Variants in ATF7IP observed in about 807,000 individuals in gnomAD.
ATF7IP encodes the protein activating transcription factor 7-interacting protein 1.
A neutral mutation model predicts 106.4 loss-of-function variants in ATF7IP; 23 were observed. The ratio of observed to expected loss-of-function variants is 0.22; its 90% CI spans 0.16 to 0.31. The LOEUF (loss-of-function observed/expected upper bound fraction) is 0.31. Among genes scored for constraint, ATF7IP ranks in the 10% least tolerant of loss-of-function variants. The pLI, the probability that ATF7IP is intolerant of heterozygous loss-of-function variation, is 1.00. For missense variants in ATF7IP, 1,334 were observed against 1,524.3 expected (o/e 0.88, Z 2.08); for synonymous variants, 542 against 539.0 (o/e 1.01, Z -0.08).
At chr12:14,379,045 G>A (rs969320729) in intron 1 of ATF7IP, among the ~76,000 whole-genome samples, 1 of 152,108 alleles carries the variant, frequency 6.6e-6, no homozygotes, top group Non-Finnish European at 1.5e-5. Flanking sequence ...GTTTGGATTT[G>A]TATCCCCACC....
chr12:14,438,284 G>A lies in ATF7IP; in HGVS notation c.1929+17G>A, dbSNP rs1942509255. 2 of 1,603,368 alleles carry A rather than the reference G, an allele frequency of 1.2e-6. No homozygotes were observed. Among genetic ancestry groups the A allele is most frequent in the African/African-American group, 2.7e-5 (2 of 74,690 alleles). The stretch of plus-strand genomic sequence containing the variant: ...GAACTACAGGTTTGTACATTGACTT[G>A]AGTTGTATACTCCATGTGTCATTGT... On this transcript the variant is annotated intron_variant, in intron 5 of 14. Coordinates refer to ENST00000261168, the MANE Select transcript of ATF7IP (RefSeq NM_018179.5).
At chr12:14,404,085 C>T (rs1325499299) in intron 1 of ATF7IP, among the ~76,000 whole-genome samples, 2 of 151,072 alleles carry the variant, frequency 1.3e-5, no homozygotes, top group African/African-American at 4.9e-5. Flanking sequence ...AATACTAACC[C>T]TATCAGGAAG....
intron 1 of ATF7IP, among the ~76,000 whole-genome samples, chr12:14,397,735 A>AT (rs2136453350): frequency 6.6e-6 from 1 of 151,820 alleles, no homozygotes; most frequent in African/African-American, 2.4e-5. Flanking sequence ...AATATCTTTT[A>AT]TTTTTTCCTG....
chr12:14,474,218 T>C (rs1186617723), intron 10 of ATF7IP, among the ~76,000 whole-genome samples: 1 of 151,912 alleles, frequency 6.6e-6, no homozygotes, highest in South Asian at 2.1e-4. Context: ...AAATTTCTAT[T>C]GATCTAGCAT....
intron 10 of ATF7IP, 34 bp from the exon 11 acceptor site, chr12:14,475,856 T>C: frequency 6.4e-7 from 1 of 1,570,724 alleles, no homozygotes. Flanking sequence ...CTGCCAGAGT[T>C]TTCTTTGTAA....
chr12:14,430,039 A>G (rs1169518507), intron 2 of ATF7IP, among the ~76,000 whole-genome samples: 1 of 152,210 alleles, frequency 6.6e-6, no homozygotes, highest in Non-Finnish European at 1.5e-5. Context: ...ACCTCAGAGT[A>G]AGTATACATG....
intron 1 of ATF7IP, among the ~76,000 whole-genome samples, chr12:14,407,043 T>C (rs1940631978): frequency 6.6e-6 from 1 of 152,262 alleles, no homozygotes; most frequent in African/African-American, 2.4e-5. Flanking sequence ...TGTGTTCCTA[T>C]ATGTTTTAAA....
At position 14,385,520 on chromosome 12, in the gene ATF7IP, T is replaced by A. The variant is rs1320595034; in HGVS notation, c.-8+19693T>A. The A allele has an allele frequency of 3.5e-6, 3 of 859,492 alleles. No homozygotes were observed. In the African/African-American group the frequency reaches 5.1e-5, roughly 15 times the overall value. The allele number at this position is 859,492 out of a possible 1,614,324, so 53.2% of individuals were successfully genotyped here. ...GCTTGGTTTTTAAAAAGTTGAAATG[T>A]TTGGTAGAACCTTTAAGCCTTTATT... On this transcript the variant is annotated intron_variant, in intron 1 of 14. Coordinates refer to ENST00000261168, the MANE Select transcript of ATF7IP (RefSeq NM_018179.5).
intron 13 of ATF7IP, among the ~76,000 whole-genome samples, chr12:14,486,732 A>G (rs1000790801): frequency 6.6e-6 from 1 of 152,190 alleles, no homozygotes; most frequent in African/African-American, 2.4e-5. Flanking sequence ...AGCTACGCCC[A>G]CCTTGCCTTT....
chr12:14,416,572 C>T lies in ATF7IP; in HGVS notation c.-7-7337C>T, dbSNP rs1057277712. Reference sequence around the variant, plus strand: ...TGTATATGCTTTTTGACCCAACAATCGTGGTACTTAGTTAAGTCTGTTCTT... The same window carrying T: ...TGTATATGCTTTTTGACCCAACAATTGTGGTACTTAGTTAAGTCTGTTCTT... On this transcript the variant is annotated intron_variant, in intron 1 of 14. Coordinates refer to ENST00000261168, the MANE Select transcript of ATF7IP (RefSeq NM_018179.5). Among the ~76,000 whole-genome samples, 11 of 152,134 alleles carry T rather than the reference C, an allele frequency of 7.2e-5. No homozygotes were observed. In the East Asian group the frequency reaches 7.7e-4, roughly 11 times the overall value.
At chr12:14,419,693 G>A (rs1222019172) in intron 1 of ATF7IP, among the ~76,000 whole-genome samples, 2 of 151,954 alleles carry the variant, frequency 1.3e-5, no homozygotes, top group African/African-American at 4.8e-5. Context: ...AACCTTGAAG[G>A]TGTGAAATTT....
rs1211631203 is a variant in ATF7IP, at chr12:14,499,068, ACTC to A, written c.*998_*1000del. 6.6e-6 allele frequency: 1 copy of A among 150,690 alleles called. No homozygotes were observed. The highest frequency in any genetic ancestry group is 1.5e-5 in the Non-Finnish European group (1 of 67,642). The allele number at this position is 150,690 out of a possible 1,614,324, so 9.3% of individuals were successfully genotyped here. ...ACCATGTTGGCCAGGCTGGTCTTGA[ACTC>A]CTGACCTCAGGTGATCCACCCGCCT... On this transcript the variant is annotated 3_prime_UTR_variant, in exon 15 of 15. Coordinates refer to ENST00000261168, the MANE Select transcript of ATF7IP (RefSeq NM_018179.5).
chr12:14,417,485 T>C (rs1022949461), intron 1 of ATF7IP, among the ~76,000 whole-genome samples: 36 of 152,112 alleles, frequency 2.4e-4, no homozygotes, highest in Non-Finnish European at 4.3e-4. Context: ...TTGTCTGGAT[T>C]TAAGGTTTTG....
chr12:14,446,226 C>A (rs1239694538), intron 5 of ATF7IP, among the ~76,000 whole-genome samples: 1 of 151,934 alleles, frequency 6.6e-6, no homozygotes, highest in Non-Finnish European at 1.5e-5. Flanking sequence ...TGGCTCACTG[C>A]AACCTCTGCC....
At chr12:14,486,751 A>C (rs1944632919) in intron 13 of ATF7IP, among the ~76,000 whole-genome samples, 1 of 152,114 alleles carries the variant, frequency 6.6e-6, no homozygotes, top group Non-Finnish European at 1.5e-5. Context: ...TTGACAGTTG[A>C]GTGCCACCAC....
At chr12:14,488,211 C>T (rs1206260140) in intron 13 of ATF7IP, among the ~76,000 whole-genome samples, 1 of 152,194 alleles carries the variant, frequency 6.6e-6, no homozygotes, top group East Asian at 1.9e-4. Flanking sequence ...TGCACACACA[C>T]ACGTATCCTA....
At chr12:14,371,159 T>C (rs1418762879) in intron 1 of ATF7IP, among the ~76,000 whole-genome samples, 2 of 152,102 alleles carry the variant, frequency 1.3e-5, no homozygotes, top group African/African-American at 4.8e-5. Context: ...GTAATTCTAC[T>C]TTATATCTTT....
At chr12:14,439,322 A>T (rs1235705199) in intron 5 of ATF7IP, among the ~76,000 whole-genome samples, 2 of 152,204 alleles carry the variant, frequency 1.3e-5, no homozygotes, top group Non-Finnish European at 2.9e-5. Flanking sequence ...ATGGAAGTCA[A>T]ATCACTTTTT....
intron 1 of ATF7IP, chr12:14,417,028 C>T (rs1941243556): frequency 1.3e-6 from 1 of 789,548 alleles, no homozygotes; most frequent in South Asian, 5.7e-5. Flanking sequence ...TTATTAAGAA[C>T]ACCTAATAAG....
Sources: allele counts gnomAD v4.1 joint callset (sites outside exome capture counted in the v4.1 genomes callset), GRCh38; gene constraint gnomAD v4.1.1; transcripts MANE v1.5; gene names NCBI Gene and HGNC (gene_info 2026-07-23, HGNC 2026-07-21).